Variants in ZMAT5 observed in about 807,000 individuals in gnomAD.
The protein encoded by ZMAT5 is zinc finger matrin-type 5, also known as zinc finger matrin-type protein 5.
Under a neutral mutation model 28.0 loss-of-function variants are expected in ZMAT5, and 23 were observed. The ratio of observed to expected loss-of-function variants is 0.82; its 90% CI spans 0.59 to 1.16. The LOEUF (loss-of-function observed/expected upper bound fraction) is 1.16, where lower values mean the gene tolerates loss of function less well. ZMAT5 is among the 50% of genes most tolerant of loss of function. The pLI is 0.00. For missense variants in ZMAT5, 173 were observed against 212.7 expected (o/e 0.81, Z 1.16); for synonymous variants, 76 against 84.1 (o/e 0.90, Z 0.52).
chr22:29,765,909 A>G (rs1286567760), intron 1 of ZMAT5, among the ~76,000 whole-genome samples: 5 of 152,166 alleles, frequency 3.3e-5, no homozygotes, highest in Non-Finnish European at 7.4e-5. Context: ...ATCTACTACA[A>G]TAACTTCCCC....
At chr22:29,755,343 G>GAGGGAGGGAGGGAGGGA (rs1282026349) in intron 1 of ZMAT5, among the ~76,000 whole-genome samples, 1 of 34,484 alleles carries the variant, frequency 2.9e-5, no homozygotes, top group Non-Finnish European at 5.9e-5. Flanking sequence ...GAGAGAGAGG[G>GAGGGAGGGAGGGAGGGA]AGGGAGGGAG....
At chr22:29,754,600 A>G (rs986200203) in intron 1 of ZMAT5, among the ~76,000 whole-genome samples, 2 of 152,212 alleles carry the variant, frequency 1.3e-5, no homozygotes, top group East Asian at 3.8e-4. Context: ...GCCAGCTGCA[A>G]TGGCTCAGGC....
chr22:29,759,977 G>A (rs1030171905), intron 1 of ZMAT5, among the ~76,000 whole-genome samples: 1 of 152,128 alleles, frequency 6.6e-6, no homozygotes, highest in African/African-American at 2.4e-5. Context: ...AAGGTGGGTG[G>A]ATTGCCTGAG....
chr22:29,751,639 G>A (rs978666836), intron 1 of ZMAT5, among the ~76,000 whole-genome samples: 3 of 152,140 alleles, frequency 2.0e-5, no homozygotes, highest in Admixed American at 6.5e-5. Flanking sequence ...AAGGAGCCCC[G>A]CTGGGCTTGG....
intron 1 of ZMAT5, among the ~76,000 whole-genome samples, chr22:29,764,769 TG>T (rs950044073): frequency 2.6e-5 from 4 of 152,042 alleles, no homozygotes; most frequent in Non-Finnish European, 2.9e-5. Context: ...TCCCAAAGTG[TG>T]GGGATTACAG....
chr22:29,747,071 AC>A (rs895092497), intron 2 of ZMAT5: 2 of 151,962 alleles, frequency 1.3e-5, no homozygotes, highest in African/African-American at 4.8e-5. Flanking sequence ...CTTTAGAAAC[AC>A]CATGCCTAGT....
intron 1 of ZMAT5, among the ~76,000 whole-genome samples, chr22:29,760,354 CAG>C (rs1200501921): frequency 2.1e-5 from 3 of 140,026 alleles, no homozygotes; most frequent in Non-Finnish European, 4.6e-5. Context: ...GCCTGAGTGA[CAG>C]AGACAGACTC....
chr22:29,740,853 C>G, intron 3 of ZMAT5, 123 bp from the exon 4 acceptor site: 1 of 821,216 alleles, frequency 1.2e-6, no homozygotes, highest in Non-Finnish European at 2.0e-6. Flanking sequence ...GAATAGCAAC[C>G]CTGATCCGGG....
chr22:29,743,260 T>A (rs1416454107), intron 2 of ZMAT5, among the ~76,000 whole-genome samples: 1 of 152,126 alleles, frequency 6.6e-6, no homozygotes, highest in Non-Finnish European at 1.5e-5. Flanking sequence ...CAGGCACTGC[T>A]CCACAGGCAA....
intron 1 of ZMAT5, among the ~76,000 whole-genome samples, chr22:29,753,307 G>C (rs2068070868): frequency 1.3e-5 from 2 of 152,338 alleles, no homozygotes; most frequent in South Asian, 4.1e-4. Context: ...AGGGTGGATA[G>C]TGAGGTCAGG....
At chr22:29,736,043 G>A (rs1222875222) in intron 5 of ZMAT5, among the ~76,000 whole-genome samples, 2 of 152,238 alleles carry the variant, frequency 1.3e-5, no homozygotes. Context: ...TGGACCCAGA[G>A]CAGGGAGGCG....
intron 1 of ZMAT5, among the ~76,000 whole-genome samples, chr22:29,765,454 ATCC>A (rs971485995): frequency 6.6e-5 from 10 of 152,014 alleles, no homozygotes; most frequent in African/African-American, 2.2e-4. Flanking sequence ...AAACTTAGAT[ATCC>A]TCCTCAATTC....
At chr22:29,739,692 C>A (rs2067943453) in intron 4 of ZMAT5, among the ~76,000 whole-genome samples, 1 of 152,264 alleles carries the variant, frequency 6.6e-6, no homozygotes, top group South Asian at 2.1e-4. Context: ...GGCCAGCCGT[C>A]CTCTGAGAGC....
chr22:29,738,893 C>T (rs1398053037), intron 4 of ZMAT5, among the ~76,000 whole-genome samples: 1 of 152,082 alleles, frequency 6.6e-6, no homozygotes, highest in Non-Finnish European at 1.5e-5. Flanking sequence ...TGCCTGTAAT[C>T]CCAGCTACTT....
chr22:29,755,420 G>GA (rs1424444181), intron 1 of ZMAT5, among the ~76,000 whole-genome samples: 2 of 147,910 alleles, frequency 1.4e-5, no homozygotes, highest in Non-Finnish European at 3.0e-5. Flanking sequence ...AGAAAGGAAA[G>GA]AAAGAAAGAA....
intron 1 of ZMAT5, among the ~76,000 whole-genome samples, chr22:29,756,564 T>A (rs923806526): frequency 1.3e-5 from 2 of 152,112 alleles, no homozygotes. Flanking sequence ...ACTCGGCAGG[T>A]CTGGGACAGG....
chr22:29,764,279 T>G (rs2068186666), intron 1 of ZMAT5, among the ~76,000 whole-genome samples: 1 of 152,224 alleles, frequency 6.6e-6, no homozygotes, highest in South Asian at 2.1e-4. Flanking sequence ...CTAAGTAGTC[T>G]TCCCCTGGAG....
chr22:29,754,833 C>T (rs1174333028), intron 1 of ZMAT5, among the ~76,000 whole-genome samples: 4 of 152,136 alleles, frequency 2.6e-5, no homozygotes, highest in Non-Finnish European at 5.9e-5. Flanking sequence ...TGAGATTGCG[C>T]CACTACACTC....
At position 29,748,400 on chromosome 22, in the gene ZMAT5, C is replaced by T. The variant is rs756463825; in HGVS notation, c.127+18G>A. The stretch of plus-strand genomic sequence containing the variant: ...GAGCAGGGCTCCAGGAGCCTGGCCC[C>T]CAGCCAGCGGCACCCACCTCGGAAC... On this transcript the variant is annotated intron_variant, in intron 2 of 5. Transcript: ENST00000344318. 6.2e-7 allele frequency: 1 copy of T among 1,614,180 alleles called. No homozygotes were observed. Among genetic ancestry groups the T allele is most frequent in the Non-Finnish European group, 8.5e-7 (1 of 1,180,004 alleles).
Sources: allele counts gnomAD v4.1 joint callset (sites outside exome capture counted in the v4.1 genomes callset), GRCh38; gene constraint gnomAD v4.1.1; transcripts MANE v1.5; gene names NCBI Gene and HGNC (gene_info 2026-07-23, HGNC 2026-07-21).